TMEM132C: variants seen among roughly 807,000 people sequenced by gnomAD.
The protein encoded by TMEM132C is protein phosphatase 1, regulatory subunit 152.
Under a neutral mutation model 61.4 loss-of-function variants are expected in TMEM132C, and 29 were observed. That is an observed-to-expected ratio of 0.47 (90% CI 0.35 to 0.64). TMEM132C has a LOEUF of 0.64. Among genes scored for constraint, TMEM132C ranks in the 30% least tolerant of loss-of-function variants. The pLI, the probability that TMEM132C is intolerant of heterozygous loss-of-function variation, is 0.00. For missense variants in TMEM132C, 1,408 were observed against 1,476.9 expected, an observed-to-expected ratio of 0.95 and a Z score of 0.76; for synonymous variants, 656 against 633.1, an observed-to-expected ratio of 1.04 and a Z score of -0.54.
intron 3 of TMEM132C, among the ~76,000 whole-genome samples, chr12:128,614,633 A>G (rs570598147): frequency 6.6e-6 from 1 of 152,332 alleles, no homozygotes; most frequent in South Asian, 2.1e-4. Context: ...TATTGGCTTT[A>G]ATTTTATCAT....
intron 2 of TMEM132C, among the ~76,000 whole-genome samples, chr12:128,498,051 C>G (rs1051983507): frequency 6.6e-6 from 1 of 152,150 alleles, no homozygotes; most frequent in Non-Finnish European, 1.5e-5. Flanking sequence ...TCCTCCATCC[C>G]CCTAGCATGT....
At chr12:128,705,015 G>T (rs1003128127) in intron 8 of TMEM132C, 75 bp from the exon 9 acceptor site, 4 of 1,433,546 alleles carry the variant, frequency 2.8e-6, no homozygotes, top group African/African-American at 2.9e-5. Flanking sequence ...GTTTCATTGG[G>T]CGTCCTCCTA....
chr12:128,584,792 C>T (rs1029965313), intron 3 of TMEM132C, among the ~76,000 whole-genome samples: 7 of 152,160 alleles, frequency 4.6e-5, no homozygotes, highest in African/African-American at 7.2e-5. Flanking sequence ...CTCCACTGGG[C>T]GAGGGCCGGG....
In TMEM132C at chr12:128,475,707, T is replaced by C. The variant is rs929323211; in HGVS notation, c.974+60087T>C. ...AATTTCTTTTCAGTTCTTTCAAATA[T>C]GTATCGCAATATTTGCTGGTCCCTT... On this transcript the variant is annotated intron_variant, in intron 2 of 8. Transcript: ENST00000435159. Among the ~76,000 whole-genome samples, 6 of 152,342 alleles carry C rather than the reference T, an allele frequency of 3.9e-5. No individual in the cohort carries two copies. The South Asian group carries it at 1.0e-3, about 26-fold the overall frequency.
intron 3 of TMEM132C, among the ~76,000 whole-genome samples, chr12:128,594,354 A>T (rs1322712925): frequency 2.5e-5 from 2 of 81,628 alleles, no homozygotes; most frequent in Admixed American, 2.9e-4. Flanking sequence ...CTCTCCCCCC[A>T]TCCCCTGCCC....
At chr12:128,350,127 A>AT (rs1873290446) in intron 1 of TMEM132C, among the ~76,000 whole-genome samples, 2 of 152,226 alleles carry the variant, frequency 1.3e-5, no homozygotes, top group South Asian at 2.1e-4. Flanking sequence ...AAAATGAAGA[A>AT]TTTTTTGGAT....
chr12:128,500,141 A>G (rs1872111055), intron 2 of TMEM132C, among the ~76,000 whole-genome samples: 1 of 152,204 alleles, frequency 6.6e-6, no homozygotes, highest in African/African-American at 2.4e-5. Context: ...GTCCTGAGAC[A>G]ACTGGTTATC....
Position 128,693,891 on chromosome 12 carries a change from G to T in TMEM132C, c.1512G>T (p.Ala504=). ...NGKEIKGKMD[A]VVNFTYQYLS... ...AAGAGATCAAAGGAAAGATGGATGC[G>T]GTGGTGAACTTCACATACCAGTACC... is the stretch of plus-strand genomic sequence containing the variant. The change falls in exon 6 of 9, where the codon GCG becomes GCT. Residue 504 remains alanine (A), a synonymous_variant. Transcript: ENST00000435159. 3 of 1,551,732 alleles carry T rather than the reference G, an allele frequency of 1.9e-6. No homozygotes were observed. The highest frequency in any genetic ancestry group is 2.6e-6 in the Non-Finnish European group (3 of 1,147,016).
chr12:128,541,938 TGGCACCCCCA>T (rs1395996503), intron 2 of TMEM132C, among the ~76,000 whole-genome samples: 1 of 152,142 alleles, frequency 6.6e-6, no homozygotes, highest in African/African-American at 2.4e-5. Flanking sequence ...GTATTCGGTG[TGGCACCCCCA>T]GGCACCCCCA....
chr12:128,521,898 G>A (rs1393734515), intron 2 of TMEM132C, among the ~76,000 whole-genome samples: 1 of 152,084 alleles, frequency 6.6e-6, no homozygotes, highest in Admixed American at 6.5e-5. Flanking sequence ...TCAAAATTAT[G>A]TGCTTCACTC....
At chr12:128,316,644 A>G (rs1165003148) in intron 1 of TMEM132C, among the ~76,000 whole-genome samples, 2 of 152,064 alleles carry the variant, frequency 1.3e-5, no homozygotes, top group African/African-American at 2.4e-5. Flanking sequence ...CTATTCATGG[A>G]CCTCTGGTGT....
At chr12:128,273,599 T>C (rs1218786055) in intron 1 of TMEM132C, among the ~76,000 whole-genome samples, 2 of 152,178 alleles carry the variant, frequency 1.3e-5, no homozygotes, top group East Asian at 3.8e-4. Context: ...TTATTTATGT[T>C]CCATCTGCTC....
intron 5 of TMEM132C, among the ~76,000 whole-genome samples, chr12:128,678,016 A>G (rs1954607195): frequency 6.6e-6 from 1 of 152,150 alleles, no homozygotes; most frequent in Non-Finnish European, 1.5e-5. Context: ...TGAACCTACT[A>G]TTGATTTTGC....
intron 2 of TMEM132C, among the ~76,000 whole-genome samples, chr12:128,467,687 G>C (rs1870782570): frequency 6.6e-6 from 1 of 152,114 alleles, no homozygotes; most frequent in Non-Finnish European, 1.5e-5. Context: ...AATGGAGCAT[G>C]GGGGAGGGAG....
At chr12:128,547,169 C>T (rs558105305) in intron 3 of TMEM132C, among the ~76,000 whole-genome samples, 15 of 152,272 alleles carry the variant, frequency 9.9e-5, no homozygotes, top group African/African-American at 3.4e-4. Context: ...CAGTGCCAGC[C>T]AGGAGTGTGT....
At chr12:128,575,256 G>A (rs1042509651) in intron 3 of TMEM132C, among the ~76,000 whole-genome samples, 2 of 152,180 alleles carry the variant, frequency 1.3e-5, no homozygotes, top group East Asian at 1.9e-4. Flanking sequence ...CAAGGCAGGC[G>A]GATCACGAGG....
At chr12:128,428,090 G>T (rs1400894057) in intron 2 of TMEM132C, among the ~76,000 whole-genome samples, 1 of 152,122 alleles carries the variant, frequency 6.6e-6, no homozygotes, top group Non-Finnish European at 1.5e-5. Context: ...TGTGGGGTTT[G>T]GCAGGTCATG....
intron 1 of TMEM132C, among the ~76,000 whole-genome samples, chr12:128,284,103 G>A (rs751578122): frequency 3.3e-5 from 5 of 152,196 alleles, no homozygotes; most frequent in African/African-American, 7.2e-5. Context: ...GAATGAGCAC[G>A]TTGACCAGAG....
chr12:128,446,807 TC>T (rs1869996729), intron 2 of TMEM132C, among the ~76,000 whole-genome samples: 1 of 152,182 alleles, frequency 6.6e-6, no homozygotes, highest in South Asian at 2.1e-4. Flanking sequence ...AATAATGCCA[TC>T]ATACTTTGCC....
Sources: gnomAD v4.1 joint callset for allele counts (sites outside exome capture counted in the v4.1 genomes callset) on GRCh38, gnomAD v4.1.1 for gene constraint, MANE v1.5 for transcripts, NCBI Gene and HGNC (gene_info 2026-07-23, HGNC 2026-07-21) for gene names.